Variants in FGD5 observed in about 807,000 individuals in gnomAD.
FGD5 encodes the protein FYVE, RhoGEF and PH domain-containing protein 5.
In FGD5, 28 loss-of-function variants were observed where a neutral mutation model predicts 133.4. The observed-to-expected ratio is 0.21, with a 90% confidence interval of 0.16 to 0.29. FGD5 has a LOEUF of 0.29. FGD5 is among the 10% of genes least tolerant of loss of function. FGD5 has a pLI of 1.00. For missense variants in FGD5, 1,858 were observed against 1,895.2 expected (o/e 0.98, Z 0.36); for synonymous variants, 810 against 776.5 (o/e 1.04, Z -0.72).
At chr3:14,834,586 G>A (rs998468738) in intron 1 of FGD5, among the ~76,000 whole-genome samples, 7 of 152,158 alleles carry the variant, frequency 4.6e-5, no homozygotes. Flanking sequence ...AACACCCTAC[G>A]TCATCTCACA....
chr3:14,829,251 G>A (rs113553700), intron 1 of FGD5, among the ~76,000 whole-genome samples: 3 of 152,276 alleles, frequency 2.0e-5, no homozygotes, highest in Non-Finnish European at 2.9e-5. Context: ...AGTTGAGAAC[G>A]CCTTGTATAT....
At chr3:14,826,050 T>A (rs527958972) in intron 1 of FGD5, among the ~76,000 whole-genome samples, 10 of 152,208 alleles carry the variant, frequency 6.6e-5, no homozygotes, top group Non-Finnish European at 1.5e-4. Context: ...CTCATTTAAA[T>A]CTTCATCATC....
At chr3:14,833,284 T>G (rs1213566497) in intron 1 of FGD5, among the ~76,000 whole-genome samples, 1 of 152,182 alleles carries the variant, frequency 6.6e-6, no homozygotes, top group Non-Finnish European at 1.5e-5. Context: ...AACAGACCCA[T>G]TCTCTGCATG....
At chr3:14,824,831 A>C (rs543871208) in intron 1 of FGD5, among the ~76,000 whole-genome samples, 6 of 152,234 alleles carry the variant, frequency 3.9e-5, no homozygotes, top group African/African-American at 1.4e-4. Flanking sequence ...AATTGTAAAA[A>C]TAAGATAGAA....
rs2038800317 is a variant in FGD5, at chr3:14,926,214, ACT to A, written c.4197+22_4197+23del. Reference sequence around the variant, plus strand: ...GGCCAGTGAGGTAGTAGTGATCTGCACTCTCTCCCCTCTCCTCTCTCCTGTGA... The same window carrying A: ...GGCCAGTGAGGTAGTAGTGATCTGCACTCTCCCCTCTCCTCTCTCCTGTGA... On this transcript the variant is annotated intron_variant, in intron 18 of 19. Coordinates refer to ENST00000285046, the MANE Select transcript of FGD5 (RefSeq NM_152536.4). The A allele has an allele frequency of 6.2e-7, 1 of 1,610,590 alleles. No individual in the cohort carries two copies. Among genetic ancestry groups the A allele is most frequent in the East Asian group, 2.2e-5 (1 of 44,732 alleles).
Position 14,917,402 on chromosome 3 carries a change from C to A in FGD5, c.3489+70C>A. 7.0e-7 allele frequency: 1 copy of A among 1,438,824 alleles called. No individual in the cohort carries two copies. Among genetic ancestry groups the A allele is most frequent in the Non-Finnish European group, 9.6e-7 (1 of 1,043,232 alleles). 89.1% of individuals were successfully genotyped at this position (1,438,824 alleles called of 1,614,324 possible). On this transcript the variant is annotated intron_variant, in intron 12 of 19. Transcript: ENST00000285046. The surrounding 1 kb of genome is among the most constrained non-coding windows in gnomAD (Gnocchi z 4.1). ...ACCCCAGGGGAGAAGGGGACAGCAT[C>A]CTGCTCCCAGGAGCACCCAGACCAG...
chr3:14,932,411 G>A lies in FGD5; in HGVS notation c.4198-166G>A, dbSNP rs375745654. 467 of 695,342 alleles carry A rather than the reference G, an allele frequency of 6.7e-4. 2 individuals carry two copies. The African/African-American group carries it at 7.6e-3, about 11-fold the overall frequency. 43.1% of individuals were successfully genotyped at this position (695,342 alleles called of 1,614,324 possible). A position where few individuals can be genotyped will look rare whatever the true frequency, so the allele number is the denominator to read the frequency against. On this transcript the variant is annotated intron_variant, in intron 18 of 19. Transcript: ENST00000285046. Reference sequence around the variant, plus strand: ...GTCGTTTCTTTCCTTCCTCAGGGCTGGCTCTGGGGGGAAGCGAGGGTCAAC... The same window carrying A: ...GTCGTTTCTTTCCTTCCTCAGGGCTAGCTCTGGGGGGAAGCGAGGGTCAAC...
At chr3:14,909,062 C>G (rs1267995091) in intron 10 of FGD5, among the ~76,000 whole-genome samples, 1 of 149,808 alleles carries the variant, frequency 6.7e-6, no homozygotes, top group African/African-American at 2.4e-5. Flanking sequence ...TCCGCCTCCC[C>G]GGTTCAAGCA....
At position 14,925,126 on chromosome 3, in the gene FGD5, A is replaced by AAC. The variant is rs1553632485; in HGVS notation, c.4069-943_4069-942insCA. On this transcript the variant is annotated intron_variant, in intron 17 of 19. Coordinates refer to ENST00000285046, the MANE Select transcript of FGD5 (RefSeq NM_152536.4). ...AAAAAAAAAAAAAAAAAAAAAAAAA[A>AAC]AACACATACATGGTTAAACATTTTT... is the stretch of plus-strand genomic sequence containing the variant. Among the ~76,000 whole-genome samples, 39 of 127,556 alleles carry AAC rather than the reference A, an allele frequency of 3.1e-4. 3 individuals carry two copies. Among genetic ancestry groups the AAC allele is most frequent in the African/African-American group, 7.7e-4 (26 of 33,966 alleles). 83.7% of individuals were successfully genotyped at this position (127,556 alleles called of 152,430 possible). A position where few individuals can be genotyped will look rare whatever the true frequency, so the allele number is the denominator to read the frequency against.
intron 1 of FGD5, among the ~76,000 whole-genome samples, chr3:14,811,707 A>G (rs2125062182): frequency 6.6e-6 from 1 of 152,304 alleles, no homozygotes; most frequent in East Asian, 1.9e-4. Flanking sequence ...ACGGATTTAG[A>G]AAGCGAGACT....
At chr3:14,884,284 C>A (rs2037882001) in intron 4 of FGD5, among the ~76,000 whole-genome samples, 1 of 152,192 alleles carries the variant, frequency 6.6e-6, no homozygotes, top group South Asian at 2.1e-4. Context: ...TTCAGAAGGC[C>A]TGTTCAGAAG....
At chr3:14,817,793 G>A (rs192583786), upstream of FGD5, among the ~76,000 whole-genome samples, 2 of 152,320 alleles carry the variant, frequency 1.3e-5, no homozygotes, top group East Asian at 1.9e-4. Flanking sequence ...AAGGAGAAAC[G>A]TGGGAGTCCT....
chr3:14,819,206 G>T lies in FGD5; in HGVS notation c.135G>T (p.Gly45=). The change falls in exon 1 of 20, where the codon GGG becomes GGT. Residue 45 remains glycine (G), a synonymous_variant. Coordinates refer to ENST00000285046, the MANE Select transcript of FGD5 (RefSeq NM_152536.4). The surrounding 1 kb of genome is among the most constrained non-coding windows in gnomAD (Gnocchi z 4.1). ...SNGRLPCVDR[G]LDEGPRSIPK... is the part of the protein sequence containing the mutation. ...GGCGGCTGCCCTGTGTAGACAGGGG[G>T]CTTGATGAGGGGCCCCGGTCCATCC... 2 of 1,550,106 alleles carry T rather than the reference G, an allele frequency of 1.3e-6. No homozygotes were observed. Among genetic ancestry groups the T allele is most frequent in the Non-Finnish European group, 1.7e-6 (2 of 1,146,520 alleles).
At chr3:14,915,569 C>G (rs1044032540) in intron 11 of FGD5, among the ~76,000 whole-genome samples, 2 of 152,110 alleles carry the variant, frequency 1.3e-5, no homozygotes, top group Non-Finnish European at 2.9e-5. Context: ...GTAGAGGGCT[C>G]TCTCTGGTTC....
rs754617072 is a variant in FGD5 at position 14,926,117 on chromosome 3, G to A, written c.4116G>A (p.Arg1372=). The change falls in exon 18 of 20, where the codon CGG becomes CGA. Residue 1372 remains arginine, a synonymous_variant. Transcript: ENST00000285046. ...EGSAISGYLS[R]CKRGKRHWKK... ...CTGCCATCAGTGGCTATCTCAGCCGGTGTAAGAGGGGCAAGCGGCACTGGA... is the reference window on the plus strand; with the variant it reads ...CTGCCATCAGTGGCTATCTCAGCCGATGTAAGAGGGGCAAGCGGCACTGGA... 13 of 1,613,852 alleles carry A rather than the reference G, an allele frequency of 8.1e-6. No individual in the cohort carries two copies. Among genetic ancestry groups the A allele is most frequent in the Non-Finnish European group, 9.3e-6 (11 of 1,179,864 alleles).
chr3:14,895,216 C>G (rs1364013650), intron 4 of FGD5, among the ~76,000 whole-genome samples: 1 of 152,010 alleles, frequency 6.6e-6, no homozygotes, highest in Non-Finnish European at 1.5e-5. Flanking sequence ...TGATGTAGTC[C>G]CATTTGTCTA....
intron 1 of FGD5, among the ~76,000 whole-genome samples, chr3:14,833,399 AACGACAC>A (rs2036755916): frequency 6.6e-6 from 1 of 152,176 alleles, no homozygotes; most frequent in South Asian, 2.1e-4. Context: ...TAATTAAGAA[AACGACAC>A]ACGCACACAT....
chr3:14,900,517 T>A, intron 8 of FGD5, 64 bp downstream of exon 8: 1 of 1,576,424 alleles, frequency 6.3e-7, no homozygotes, highest in Non-Finnish European at 8.6e-7. Flanking sequence ...CGCCAAAGCC[T>A]GGACCCTGCC....
intron 1 of FGD5, among the ~76,000 whole-genome samples, chr3:14,859,998 C>T (rs1261451404): frequency 6.6e-6 from 1 of 152,148 alleles, no homozygotes; most frequent in Non-Finnish European, 1.5e-5. Context: ...GACACTGACC[C>T]AAACAATACA....
Sources: gnomAD v4.1 joint callset for allele counts (sites outside exome capture counted in the v4.1 genomes callset) on GRCh38, gnomAD v4.1.1 for gene constraint, Gnocchi (gnomAD v3.1) non-coding constraint, MANE v1.5 for transcripts, NCBI Gene and HGNC (gene_info 2026-07-23, HGNC 2026-07-21) for gene names.